Variants in NPAS3 observed in about 807,000 individuals in gnomAD.
The protein encoded by NPAS3 is neuronal PAS domain-containing protein 3.
Under a neutral mutation model 73.1 loss-of-function variants are expected in NPAS3, and 14 were observed. The observed-to-expected ratio is 0.19, with a 90% CI of 0.13 to 0.30. The LOEUF (loss-of-function observed/expected upper bound fraction) is 0.30, where lower values mean the gene tolerates loss of function less well. Among genes scored for constraint, NPAS3 ranks in the 10% least tolerant of loss-of-function variants. The pLI, the probability that NPAS3 is intolerant of heterozygous loss-of-function variation, is 1.00. For missense variants in NPAS3, 1,096 were observed against 1,250.0 expected (o/e 0.88, Z 1.86); for synonymous variants, 620 against 541.5 (o/e 1.14, Z -2.01).
intron 2 of NPAS3, among the ~76,000 whole-genome samples, chr14:33,109,654 G>T (rs993378937): frequency 2.0e-5 from 3 of 152,022 alleles, no homozygotes; most frequent in Admixed American, 1.3e-4. Context: ...CTTGTGGTGA[G>T]AGTATAATGA....
At chr14:33,355,475 A>AT (rs928398712) in intron 3 of NPAS3, among the ~76,000 whole-genome samples, 9 of 151,892 alleles carry the variant, frequency 5.9e-5, no homozygotes, top group African/African-American at 2.2e-4. Flanking sequence ...TAATTTTTGT[A>AT]TTTTTGTAGA....
chr14:33,657,420 G>A (rs1003238351), intron 5 of NPAS3, among the ~76,000 whole-genome samples: 2 of 152,182 alleles, frequency 1.3e-5, no homozygotes, highest in African/African-American at 4.8e-5. Context: ...ACATAAAGAA[G>A]CCTGAATTCT....
chr14:33,093,579 G>T (rs955817486), intron 2 of NPAS3, among the ~76,000 whole-genome samples: 1 of 152,020 alleles, frequency 6.6e-6, no homozygotes, highest in Non-Finnish European at 1.5e-5. Context: ...CAGGGATCTA[G>T]AACTAGAAAT....
chr14:33,681,078 A>AATTCTACAGAAACAGG (rs1230430273), intron 6 of NPAS3: 3 of 154,964 alleles, frequency 1.9e-5, no homozygotes, highest in Non-Finnish European at 4.3e-5. Context: ...GACTACTCCT[A>AATTCTACAGAAACAGG]ATTCTACAGA....
Position 33,746,203 on chromosome 14 carries a change from T to TTTA in NPAS3, c.852+10873_852+10874insATT, listed in dbSNP as rs2061790586. Among the ~76,000 whole-genome samples, 28 of 136,640 alleles carry TTTA rather than the reference T, an allele frequency of 2.0e-4. No homozygotes were observed. In the South Asian group the frequency reaches 5.4e-3, roughly 26 times the overall value. The allele number at this position is 136,640 out of a possible 152,430, so 89.6% of individuals were successfully genotyped here. A position where few individuals can be genotyped will look rare whatever the true frequency, so the allele number is the denominator to read the frequency against. On this transcript the variant is annotated intron_variant, in intron 7 of 11. Transcript: ENST00000356141. ...TATTTATTTATTTATTTATTTATTT[T>TTTA]TTTGAGATGGAGTCTTTCTCTGTTG...
intron 4 of NPAS3, among the ~76,000 whole-genome samples, chr14:33,421,859 G>A (rs2048371863): frequency 6.6e-6 from 1 of 151,920 alleles, no homozygotes; most frequent in African/African-American, 2.4e-5. Context: ...GAAGAAAGAT[G>A]ATTAGATTGA....
intron 4 of NPAS3, among the ~76,000 whole-genome samples, chr14:33,479,786 C>T (rs1225601906): frequency 6.6e-6 from 1 of 152,136 alleles, no homozygotes; most frequent in Non-Finnish European, 1.5e-5. Context: ...CTCCCTCTTT[C>T]TGGGACAGAA....
At chr14:33,763,938 C>G (rs2062377268) in intron 7 of NPAS3, among the ~76,000 whole-genome samples, 1 of 151,732 alleles carries the variant, frequency 6.6e-6, no homozygotes, top group Admixed American at 6.6e-5. Context: ...GTGGTTTCCC[C>G]TTTAAGGGGA....
chr14:33,800,886 G>T lies in NPAS3; in HGVS notation c.2579G>T (p.Gly860Val). ...AACTTCGTGGACGTTAACAGCCCCG[G>T]CTTTGGCCTCGACCCCAAGACGCCC... The change falls in exon 12 of 12, where the codon GGC becomes GTC. Residue 860 changes from glycine to valine, a missense_variant. By Grantham distance (109) the Gly-to-Val change is moderately radical. Coordinates refer to ENST00000356141, the Ensembl canonical transcript of NPAS3. This position sits in a 1 kb window ranked among gnomAD's most constrained non-coding sequence, Gnocchi z 6.5. The T allele has an allele frequency of 6.2e-7, 1 of 1,606,874 alleles. No homozygotes were observed. Among genetic ancestry groups the T allele is most frequent in the Non-Finnish European group, 8.5e-7 (1 of 1,177,216 alleles).
intron 6 of NPAS3, among the ~76,000 whole-genome samples, chr14:33,732,303 A>T (rs1321565115): frequency 6.6e-6 from 1 of 152,030 alleles, no homozygotes; most frequent in Non-Finnish European, 1.5e-5. Context: ...GCTGCCTTGG[A>T]TCTCCCCCAA....
chr14:33,122,059 C>T (rs756010687), intron 2 of NPAS3, among the ~76,000 whole-genome samples: 3 of 152,084 alleles, frequency 2.0e-5, no homozygotes, highest in South Asian at 2.1e-4. Flanking sequence ...AAAATGAGCA[C>T]GTTGGATTTT....
chr14:33,430,948 A>G (rs1352119249), intron 4 of NPAS3, among the ~76,000 whole-genome samples: 4 of 152,214 alleles, frequency 2.6e-5, no homozygotes, highest in South Asian at 2.1e-4. Flanking sequence ...CATCATAAAC[A>G]TGGAAGCATG....
chr14:33,662,908 T>C (rs1251576831), intron 5 of NPAS3, among the ~76,000 whole-genome samples: 1 of 136,024 alleles, frequency 7.4e-6, no homozygotes. Context: ...TTGCCCAGAC[T>C]GGAGTGCGGT....
chr14:33,453,210 G>T (rs1268463663), intron 4 of NPAS3, among the ~76,000 whole-genome samples: 1 of 152,170 alleles, frequency 6.6e-6, no homozygotes, highest in Non-Finnish European at 1.5e-5. Context: ...TCAGCCAGGG[G>T]TCTATTGTTA....
chr14:33,707,762 CT>C (rs1261659439), intron 6 of NPAS3, among the ~76,000 whole-genome samples: 22 of 152,268 alleles, frequency 1.4e-4, no homozygotes, highest in Admixed American at 1.4e-3. Flanking sequence ...AGCCTTTCCT[CT>C]AGCCCTTCCA....
At chr14:33,190,428 G>A (rs1423464700) in intron 2 of NPAS3, among the ~76,000 whole-genome samples, 1 of 152,204 alleles carries the variant, frequency 6.6e-6, no homozygotes, top group Non-Finnish European at 1.5e-5. Context: ...GCTTTTAGAG[G>A]CTAGGGTGAT....
intron 4 of NPAS3, among the ~76,000 whole-genome samples, chr14:33,370,321 G>A (rs572531562): frequency 6.6e-6 from 1 of 152,264 alleles, no homozygotes; most frequent in South Asian, 2.1e-4. Context: ...GTTGATGGAT[G>A]AATAGAAGTT....
intron 3 of NPAS3, among the ~76,000 whole-genome samples, chr14:33,366,041 G>T (rs1442093846): frequency 6.6e-6 from 1 of 152,156 alleles, no homozygotes; most frequent in Non-Finnish European, 1.5e-5. Flanking sequence ...GAATTTACTT[G>T]TTAGAAATAT....
At chr14:33,447,054 A>C (rs1007857876) in intron 4 of NPAS3, among the ~76,000 whole-genome samples, 2 of 152,250 alleles carry the variant, frequency 1.3e-5, no homozygotes, top group African/African-American at 4.8e-5. Context: ...AGGTGTCTTC[A>C]TCTAAAGAAG....
Sources: gnomAD v4.1 joint callset for allele counts (sites outside exome capture counted in the v4.1 genomes callset) on GRCh38, gnomAD v4.1.1 for gene constraint, Gnocchi (gnomAD v3.1) non-coding constraint, MANE v1.5 for transcripts, NCBI Gene and HGNC (gene_info 2026-07-23, HGNC 2026-07-21) for gene names.